Variants in SEMA6D observed in about 807,000 individuals in gnomAD.
The protein encoded by SEMA6D is semaphorin-6D.
SEMA6D carries 35 observed loss-of-function variants against 106.6 expected under a neutral mutation model. The ratio of observed to expected loss-of-function variants is 0.33; its 90% CI spans 0.25 to 0.44. The LOEUF (loss-of-function observed/expected upper bound fraction) is 0.44, where lower values mean the gene tolerates loss of function less well. Ranked by LOEUF, SEMA6D falls within the 20% of genes least tolerant of loss-of-function variation. SEMA6D has a pLI of 1.00. For missense variants in SEMA6D, 1,185 were observed against 1,345.9 expected (o/e 0.88, Z 1.87); for synonymous variants, 499 against 487.7 (o/e 1.02, Z -0.31).
intron 2 of SEMA6D, among the ~76,000 whole-genome samples, chr15:47,432,503 C>G (rs1037430302): frequency 6.7e-6 from 1 of 149,728 alleles, no homozygotes; most frequent in Admixed American, 6.7e-5. Flanking sequence ...TATATACACA[C>G]ACACAAACAT....
chr15:47,567,724 G>T (rs1396015618), intron 3 of SEMA6D, among the ~76,000 whole-genome samples: 1 of 152,072 alleles, frequency 6.6e-6, no homozygotes, highest in African/African-American at 2.4e-5. Flanking sequence ...ACTTCCTTGT[G>T]TTTGTCTTCC....
chr15:47,254,956 A>G (rs1344461604), intron 1 of SEMA6D, among the ~76,000 whole-genome samples: 4 of 150,188 alleles, frequency 2.7e-5, no homozygotes, highest in Non-Finnish European at 5.9e-5. Context: ...CTAGCCTTGT[A>G]GAATGAGTTT....
At position 47,771,859 on chromosome 15, in the gene SEMA6D, T is replaced by A; in HGVS notation, c.*74T>A. The A allele has an allele frequency of 7.1e-7, 1 of 1,410,888 alleles. No homozygotes were observed. The highest frequency in any genetic ancestry group is 1.4e-5 in the African/African-American group (1 of 69,882). The allele number at this position is 1,410,888 out of a possible 1,614,324, so 87.4% of individuals were successfully genotyped here. The stretch of plus-strand genomic sequence containing the variant: ...AGAGGATGATGTTGTAAGGGTACCT[T>A]AAAACAAGAGACTCGCTTGTATTTT... On this transcript the variant is annotated 3_prime_UTR_variant, in exon 19 of 19. Coordinates refer to ENST00000536845, the MANE Select transcript of SEMA6D (RefSeq NM_001358351.3).
intron 1 of SEMA6D, among the ~76,000 whole-genome samples, chr15:47,744,670 A>G (rs1029612168): frequency 6.6e-6 from 1 of 152,184 alleles, no homozygotes; most frequent in Non-Finnish European, 1.5e-5. Context: ...TCAAGGCATC[A>G]GTCAGTTTGT....
intron 1 of SEMA6D, among the ~76,000 whole-genome samples, chr15:47,367,692 GCACACACA>G (rs72057750): frequency 0.044 from 3,223 of 73,380 alleles, 80 homozygotes; most frequent in East Asian, 0.12. Flanking sequence ...GCGCGCGCGC[GCACACACA>G]CACACACACA....
intron 1 of SEMA6D, among the ~76,000 whole-genome samples, chr15:47,268,847 A>G (rs1372987343): frequency 2.0e-5 from 3 of 152,254 alleles, no homozygotes; most frequent in South Asian, 4.1e-4. Context: ...TTATGTCTCA[A>G]GATTGCTTAC....
chr15:47,615,548 A>G (rs2076991808), intron 4 of SEMA6D, among the ~76,000 whole-genome samples: 1 of 152,216 alleles, frequency 6.6e-6, no homozygotes, highest in African/African-American at 2.4e-5. Context: ...TATTTTGCAA[A>G]GATGAGGAAG....
At chr15:47,546,352 T>C (rs2045521564) in intron 3 of SEMA6D, among the ~76,000 whole-genome samples, 1 of 152,140 alleles carries the variant, frequency 6.6e-6, no homozygotes, top group Non-Finnish European at 1.5e-5. Context: ...TAGAAAGTAA[T>C]ATAGCACTGG....
intron 1 of SEMA6D, among the ~76,000 whole-genome samples, chr15:47,209,523 A>C (rs947575569): frequency 1.3e-5 from 2 of 152,322 alleles, no homozygotes; most frequent in East Asian, 3.9e-4. Context: ...ATTTATCAAA[A>C]ATGGCAGATT....
At chr15:47,555,121 C>T (rs1391612216) in intron 3 of SEMA6D, among the ~76,000 whole-genome samples, 1 of 152,194 alleles carries the variant, frequency 6.6e-6, no homozygotes, top group East Asian at 1.9e-4. Context: ...TAGACTTGAG[C>T]CACTTCCCCA....
chr15:47,264,010 T>G (rs1447897229), intron 1 of SEMA6D, among the ~76,000 whole-genome samples: 2 of 151,608 alleles, frequency 1.3e-5, no homozygotes, highest in Non-Finnish European at 2.9e-5. Context: ...GAATACTATG[T>G]GGCCATAAAA....
chr15:47,492,519 C>G (rs1359250212), intron 3 of SEMA6D, among the ~76,000 whole-genome samples: 1 of 152,114 alleles, frequency 6.6e-6, no homozygotes, highest in Non-Finnish European at 1.5e-5. Flanking sequence ...TTACACAGCA[C>G]TGCCTATATT....
intron 4 of SEMA6D, among the ~76,000 whole-genome samples, chr15:47,681,384 T>C (rs1196318174): frequency 6.6e-6 from 1 of 152,186 alleles, no homozygotes; most frequent in Non-Finnish European, 1.5e-5. Context: ...TTATCTGAGG[T>C]ATCTAAAGTA....
chr15:47,678,430 A>G (rs761816491), intron 4 of SEMA6D, among the ~76,000 whole-genome samples: 1 of 151,956 alleles, frequency 6.6e-6, no homozygotes, highest in Non-Finnish European at 1.5e-5. Flanking sequence ...CTTTCACAAT[A>G]TTTTGTTATG....
At chr15:47,395,324 C>T (rs1214914330) in intron 1 of SEMA6D, among the ~76,000 whole-genome samples, 1 of 152,146 alleles carries the variant, frequency 6.6e-6, no homozygotes, top group Non-Finnish European at 1.5e-5. Context: ...TGAAATTTAA[C>T]ATGCAAAATC....
chr15:47,606,140 G>A (rs989541326), intron 4 of SEMA6D: 1 of 152,166 alleles, frequency 6.6e-6, no homozygotes, highest in Non-Finnish European at 1.5e-5. Context: ...GGGTGGTGCA[G>A]GGTAGATTTA....
At chr15:47,479,212 A>T (rs1046573040) in intron 3 of SEMA6D, among the ~76,000 whole-genome samples, 6 of 151,790 alleles carry the variant, frequency 4.0e-5, no homozygotes, top group African/African-American at 1.5e-4. Context: ...CAAGTGGGTT[A>T]TATGCTCCTG....
chr15:47,682,185 T>C (rs1203221198), intron 4 of SEMA6D, among the ~76,000 whole-genome samples: 1 of 151,872 alleles, frequency 6.6e-6, no homozygotes, highest in Admixed American at 6.6e-5. Flanking sequence ...TTTTTTTTTT[T>C]GATACGGAGT....
intron 1 of SEMA6D, among the ~76,000 whole-genome samples, chr15:47,332,618 A>G (rs1368862693): frequency 1.3e-5 from 2 of 152,168 alleles, no homozygotes; most frequent in African/African-American, 2.4e-5. Flanking sequence ...TAAGCTTTAA[A>G]TCAAAAACAA....
Sources: allele counts gnomAD v4.1 joint callset (sites outside exome capture counted in the v4.1 genomes callset), GRCh38; gene constraint gnomAD v4.1.1; transcripts MANE v1.5; gene names NCBI Gene and HGNC (gene_info 2026-07-23, HGNC 2026-07-21).